Variants in DNAI4 observed in about 807,000 individuals in gnomAD.
The protein encoded by DNAI4 is dynein axonemal intermediate chain 4, also known as WD repeat domain 78.
In DNAI4, 85 loss-of-function variants were observed where a neutral mutation model predicts 105.8. The ratio of observed to expected loss-of-function variants is 0.80; its 90% CI spans 0.67 to 0.96. The LOEUF is 0.96. Ranked by LOEUF, DNAI4 falls within the 40% of genes least tolerant of loss-of-function variation. DNAI4 has a pLI of 0.00. For missense variants in DNAI4, 1,014 were observed against 1,005.6 expected, an observed-to-expected ratio of 1.01 and a Z score of -0.11; for synonymous variants, 352 against 331.5, an observed-to-expected ratio of 1.06 and a Z score of -0.67.
At chr1:66,819,700 C>T (rs1051541073) in intron 16 of DNAI4, among the ~76,000 whole-genome samples, 10 of 151,956 alleles carry the variant, frequency 6.6e-5, no homozygotes, top group Admixed American at 2.0e-4. Context: ...CACACAAATA[C>T]GTATATACAT....
chr1:66,856,215 A>G (rs901860939), intron 7 of DNAI4, among the ~76,000 whole-genome samples: 12 of 151,148 alleles, frequency 7.9e-5, no homozygotes, highest in Non-Finnish European at 1.6e-4. Context: ...CAAGCCTGTA[A>G]TCCCAGCACT....
chr1:66,870,994 T>G (rs1646834512), intron 6 of DNAI4: 1 of 180,220 alleles, frequency 5.5e-6, no homozygotes, highest in African/African-American at 2.3e-5. Context: ...CCTCATAGGG[T>G]TGCTGTAAAA....
Position 66,872,251 on chromosome 1 carries a change from C to T in DNAI4, c.801-742G>A, listed in dbSNP as rs550383110. 7.2e-4 allele frequency among the ~76,000 whole-genome samples: 103 copies of T among 143,780 alleles called. 4 individuals are homozygous for T. The highest frequency in any genetic ancestry group is 4.0e-4 in the Non-Finnish European group (26 of 64,356). 94.3% of individuals were successfully genotyped at this position (143,780 alleles called of 152,430 possible). ...TTATTTATTTATTTATTTATTGAGA[C>T]GGAGTCTTGCTCTGTCACCCAGGCT... is the stretch of plus-strand genomic sequence containing the variant. On this transcript the variant is annotated intron_variant, in intron 5 of 16. Coordinates refer to ENST00000371026, the MANE Select transcript of DNAI4 (RefSeq NM_024763.5).
At chr1:66,889,497 C>A (rs575993069) in intron 4 of DNAI4, among the ~76,000 whole-genome samples, 1 of 152,322 alleles carries the variant, frequency 6.6e-6, no homozygotes, top group East Asian at 1.9e-4. Flanking sequence ...AAAGCTATCT[C>A]TTCTTTTAAT....
At chr1:66,821,431 A>G (rs1645623936) in intron 16 of DNAI4, among the ~76,000 whole-genome samples, 1 of 152,122 alleles carries the variant, frequency 6.6e-6, no homozygotes, top group African/African-American at 2.4e-5. Context: ...CTTGATTCAG[A>G]TTGTCAAATT....
intron 16 of DNAI4, among the ~76,000 whole-genome samples, chr1:66,816,654 T>G (rs1052717287): frequency 2.6e-5 from 4 of 151,904 alleles, no homozygotes; most frequent in Admixed American, 2.0e-4. Context: ...CATATTTGTA[T>G]CCAAAAATTA....
chr1:66,844,724 A>G (rs1646233826), intron 8 of DNAI4, among the ~76,000 whole-genome samples: 2 of 152,194 alleles, frequency 1.3e-5, no homozygotes, highest in African/African-American at 4.8e-5. Context: ...AATTAATTAC[A>G]AAAGAAAAAA....
chr1:66,818,982 T>C (rs955836371), intron 16 of DNAI4, among the ~76,000 whole-genome samples: 1 of 152,122 alleles, frequency 6.6e-6, no homozygotes, highest in African/African-American at 2.4e-5. Flanking sequence ...ATGTCTCCTA[T>C]TGTACATGTG....
At chr1:66,879,680 C>G (rs1647027543) in intron 4 of DNAI4, among the ~76,000 whole-genome samples, 1 of 152,218 alleles carries the variant, frequency 6.6e-6, no homozygotes. Context: ...TTCTCCACAT[C>G]TTTGCCAGCA....
At chr1:66,836,180 GAAAGAAAGAAAGAAAGAAAGAAAGAA>G (rs1557908010) in intron 10 of DNAI4, among the ~76,000 whole-genome samples, 8 of 57,070 alleles carry the variant, frequency 1.4e-4, no homozygotes, top group African/African-American at 3.1e-4. Flanking sequence ...AAGAAAGAAA[GAAAGAAAGAAAGAAAGAAAGAAAGAA>G]AGAGAGAGAG....
At chr1:66,881,947 G>A (rs914574212) in intron 4 of DNAI4, among the ~76,000 whole-genome samples, 9 of 152,172 alleles carry the variant, frequency 5.9e-5, no homozygotes, top group East Asian at 3.8e-4. Context: ...TAGTGAATGC[G>A]TCTCAAGAGA....
chr1:66,824,177 C>A (rs201049505), intron 15 of DNAI4, among the ~76,000 whole-genome samples: 44,562 of 128,234 alleles, frequency 0.35, 8,158 homozygotes, highest in South Asian at 0.45. Context: ...ATCCTTTCCC[C>A]ATTGCTTGTT....
chr1:66,875,389 T>C (rs1569705848), intron 4 of DNAI4, among the ~76,000 whole-genome samples: 1 of 152,186 alleles, frequency 6.6e-6, no homozygotes, highest in South Asian at 2.1e-4. Context: ...TCTTTTAATT[T>C]AGATGTCATT....
chr1:66,813,632 G>T lies in DNAI4; in HGVS notation c.*498C>A, dbSNP rs187333435. ...CAAAGTTCTATAGCTTCGGCTCTTAGATCTAAGAGGATAAAATGTTAGGTA... is the reference window on the plus strand; with the variant it reads ...CAAAGTTCTATAGCTTCGGCTCTTATATCTAAGAGGATAAAATGTTAGGTA... On this transcript the variant is annotated 3_prime_UTR_variant, in exon 17 of 17. Coordinates refer to ENST00000371026, the MANE Select transcript of DNAI4 (RefSeq NM_024763.5). 1.1e-3 allele frequency: 172 copies of T among 152,458 alleles called. 2 individuals carry two copies. Among genetic ancestry groups the T allele is most frequent in the Non-Finnish European group, 1.5e-3 (105 of 68,074 alleles). The allele number at this position is 152,458 out of a possible 1,614,324, so 9.4% of individuals were successfully genotyped here. A position where few individuals can be genotyped will look rare whatever the true frequency, so the allele number is the denominator to read the frequency against.
At chr1:66,841,706 G>A (rs1167897098) in intron 8 of DNAI4, among the ~76,000 whole-genome samples, 1 of 152,088 alleles carries the variant, frequency 6.6e-6, no homozygotes, top group African/African-American at 2.4e-5. Context: ...CCACATATGT[G>A]AGTTGAATGA....
chr1:66,851,858 C>G (rs1283853563), intron 7 of DNAI4, among the ~76,000 whole-genome samples: 1 of 150,928 alleles, frequency 6.6e-6, no homozygotes, highest in Non-Finnish European at 1.5e-5. Flanking sequence ...TCTAAGTTCC[C>G]AAATTGAGAA....
intron 3 of DNAI4, 120 bp downstream of exon 3, chr1:66,893,109 G>GAA (rs1347455992): frequency 4.1e-6 from 2 of 487,218 alleles, no homozygotes; most frequent in South Asian, 8.0e-5. Context: ...AAGAAAGAAA[G>GAA]AAAGAAAGAA....
At chr1:66,852,410 T>G (rs191483978) in intron 7 of DNAI4, among the ~76,000 whole-genome samples, 3 of 151,742 alleles carry the variant, frequency 2.0e-5, no homozygotes, top group African/African-American at 7.3e-5. Flanking sequence ...TGAAACAAAG[T>G]GCAAAAAAGA....
At chr1:66,847,715 C>A (rs767104483) in intron 7 of DNAI4, 37 bp from the exon 8 acceptor site, 1 of 1,431,640 alleles carries the variant, frequency 7.0e-7, no homozygotes, top group Non-Finnish European at 9.6e-7. Flanking sequence ...ATAAAATATT[C>A]AAATGGATGG....
Sources: allele counts gnomAD v4.1 joint callset (sites outside exome capture counted in the v4.1 genomes callset), GRCh38; gene constraint gnomAD v4.1.1; transcripts MANE v1.5; gene names NCBI Gene and HGNC (gene_info 2026-07-23, HGNC 2026-07-21).